SLC29A3: variants seen among roughly 807,000 people sequenced by gnomAD.
SLC29A3 encodes equilibrative nucleoside transporter 3.
Under a neutral mutation model 25.4 loss-of-function variants are expected in SLC29A3, and 18 were observed. That is an observed-to-expected ratio of 0.71 (90% CI 0.49 to 1.05). The LOEUF (loss-of-function observed/expected upper bound fraction) is 1.05, where lower values mean the gene tolerates loss of function less well. Ranked by LOEUF, SLC29A3 falls within the 50% of genes least tolerant of loss-of-function variation. SLC29A3 has a pLI of 0.00. For missense variants in SLC29A3, 586 were observed against 609.0 expected, an observed-to-expected ratio of 0.96 and a Z score of 0.40; for synonymous variants, 258 against 267.1, an observed-to-expected ratio of 0.97 and a Z score of 0.33.
At chr10:71,370,266 G>A (rs771485171) in intron 3 of SLC29A3, among the ~76,000 whole-genome samples, 6 of 152,132 alleles carry the variant, frequency 3.9e-5, no homozygotes, top group East Asian at 1.9e-4. Context: ...GTCCACCTTC[G>A]CAGACACAGA....
chr10:71,355,376 T>C (rs922133527), intron 4 of SLC29A3, among the ~76,000 whole-genome samples: 12 of 152,198 alleles, frequency 7.9e-5, no homozygotes, highest in African/African-American at 2.9e-4. Flanking sequence ...GTCAAAGCCA[T>C]TGGCAAGGAG....
At chr10:71,328,853 C>T (rs2131805002) in intron 2 of SLC29A3, among the ~76,000 whole-genome samples, 1 of 152,330 alleles carries the variant, frequency 6.6e-6, no homozygotes, top group Admixed American at 6.5e-5. Flanking sequence ...GGACCTAGGG[C>T]ATCCCCTCCC....
At chr10:71,332,143 C>CTTTTT (rs200663755) in intron 2 of SLC29A3, among the ~76,000 whole-genome samples, 1 of 123,880 alleles carries the variant, frequency 8.1e-6, no homozygotes, top group Middle Eastern at 3.5e-3. Context: ...TTTTCTTTTT[C>CTTTTT]TTTTTTTTCT....
At chr10:71,363,626 G>T (rs527517125), downstream of SLC29A3, among the ~76,000 whole-genome samples, 13 of 151,382 alleles carry the variant, frequency 8.6e-5, no homozygotes, top group Non-Finnish European at 1.8e-4. Context: ...ACCATGCCTC[G>T]CTAATTTCTG....
chr10:71,363,710 C>T (rs12249991), downstream of SLC29A3, among the ~76,000 whole-genome samples: 18,227 of 151,902 alleles, frequency 0.12, 1,940 homozygotes, highest in African/African-American at 0.29. Context: ...TGAGCTCAAG[C>T]GATCCTCCCA....
chr10:71,375,379 C>A (rs1163450789), intron 3 of SLC29A3, among the ~76,000 whole-genome samples: 1 of 152,200 alleles, frequency 6.6e-6, no homozygotes. Context: ...TACGTTCAAT[C>A]CTGATTACCC....
exon 5 of SLC29A3, chr10:71,380,844 TTATTA>T (rs1241562905): frequency 6.6e-6 from 1 of 151,986 alleles, no homozygotes; most frequent in Non-Finnish European, 1.5e-5. Context: ...TTTGTGGCAC[TTATTA>T]TAAGTGCTAA....
intron 3 of SLC29A3, among the ~76,000 whole-genome samples, chr10:71,345,209 A>AT (rs1846534882): frequency 6.6e-6 from 1 of 152,190 alleles, no homozygotes; most frequent in Non-Finnish European, 1.5e-5. Flanking sequence ...GTTATCTGTT[A>AT]CATAATATGA....
rs566110994 is a variant in SLC29A3, at chr10:71,362,035, G to A, written c.855G>A (p.Ser285=). 4.6e-5 allele frequency: 75 copies of A among 1,613,984 alleles called. No individual in the cohort carries two copies. The Admixed American group carries it at 6.0e-4, about 13-fold the overall frequency. ...ELPQDSLSAP[S]VASRFIDSHT... ...CCCAGGACTCCCTCAGTGCCCCTTC[G>A]GTGGCCTCCAGATTCATTGATTCCC... The change falls in exon 6 of 6, where the codon TCG becomes TCA. Residue 285 remains serine, a synonymous_variant. Coordinates refer to ENST00000373189, the MANE Select transcript of SLC29A3 (RefSeq NM_018344.6).
intron 2 of SLC29A3, among the ~76,000 whole-genome samples, chr10:71,334,920 T>C (rs1308289915): frequency 7.0e-6 from 1 of 143,686 alleles, no homozygotes; most frequent in Non-Finnish European, 1.5e-5. Context: ...ATTTGCAGTC[T>C]TTTTTCCCCC....
At chr10:71,342,439 T>G (rs1201979808) in intron 2 of SLC29A3, among the ~76,000 whole-genome samples, 1 of 152,192 alleles carries the variant, frequency 6.6e-6, no homozygotes, top group Non-Finnish European at 1.5e-5. Flanking sequence ...TCCAAAAAGC[T>G]TTTCAACATT....
downstream of SLC29A3, among the ~76,000 whole-genome samples, chr10:71,368,288 A>C (rs1847185661): frequency 1.3e-5 from 2 of 152,234 alleles, no homozygotes; most frequent in Non-Finnish European, 2.9e-5. Flanking sequence ...GAAAGGATTA[A>C]ATAAGCCCTA....
rs1183419008 is a variant in SLC29A3 at position 71,362,967 on chromosome 10, TG to T, written c.*362del. ...CAAAGCCAGTGCCAAAACCCAGCCA[TG>T]GGCTCTTTGCAACCTCCCAGCTGCG... On this transcript the variant is annotated 3_prime_UTR_variant, in exon 6 of 6. Transcript: ENST00000373189. 2.1e-6 allele frequency: 1 copy of T among 483,590 alleles called. No individual in the cohort carries two copies. The highest frequency in any genetic ancestry group is 2.3e-5 in the Admixed American group (1 of 43,306). 30.0% of individuals were successfully genotyped at this position (483,590 alleles called of 1,614,324 possible).
In SLC29A3 at chr10:71,380,513, C is replaced by T. The variant is rs149474075; in HGVS notation, c.*959C>T. The stretch of plus-strand genomic sequence containing the variant: ...ACACACACAACATGGGCATGCACAG[C>T]GATGGGTGCAGGTTGCAATTGGGAC... On this transcript the variant is annotated 3_prime_UTR_variant and NMD_transcript_variant, in exon 5 of 5. Transcript: ENST00000642772. 7.7e-4 allele frequency: 117 copies of T among 152,318 alleles called. 1 individual carries two copies. Among genetic ancestry groups the T allele is most frequent in the Middle Eastern group, 6.8e-3 (2 of 296 alleles). 9.4% of individuals were successfully genotyped at this position (152,318 alleles called of 1,614,324 possible). A position where few individuals can be genotyped will look rare whatever the true frequency, so the allele number is the denominator to read the frequency against.
intron 1 of SLC29A3, 96 bp from the exon 2 acceptor site, chr10:71,322,660 C>A (rs980531594): frequency 7.1e-7 from 1 of 1,406,866 alleles, no homozygotes. Flanking sequence ...GGTGAGGGGG[C>A]ATGGTCATTT....
In SLC29A3 at chr10:71,351,788, G is replaced by C; in HGVS notation, c.610G>C (p.Gly204Arg). 1 of 1,609,784 alleles carries C rather than the reference G, an allele frequency of 6.2e-7. No homozygotes were observed. ...GAGGAACTCCCAGGCACTGATATCA[G>C]GTGAGAGCCAGGGTCCGGGCAGCTG... is the stretch of plus-strand genomic sequence containing the variant. Reference protein sequence around the residue: ...PMRNSQALISGGAMGGTVSAV... With the variant: ...PMRNSQALISRGAMGGTVSAV... Residue 204 changes from glycine (G) to arginine (R), a missense_variant and splice_region_variant, in exon 4 of 6, where the codon GGA (glycine) becomes CGA (arginine). Coordinates refer to ENST00000373189, the MANE Select transcript of SLC29A3 (RefSeq NM_018344.6).
chr10:71,371,239 G>A (rs1195888685), intron 3 of SLC29A3, among the ~76,000 whole-genome samples: 1 of 152,206 alleles, frequency 6.6e-6, no homozygotes, highest in East Asian at 1.9e-4. Context: ...ACTCCAGGGT[G>A]AAGGATGTGA....
At chr10:71,337,291 C>T (rs1846277174) in intron 2 of SLC29A3, among the ~76,000 whole-genome samples, 1 of 152,234 alleles carries the variant, frequency 6.6e-6, no homozygotes, top group South Asian at 2.1e-4. Context: ...GGGACATCTG[C>T]CCTCTGCTCA....
At chr10:71,375,172 C>G (rs1847240924) in intron 3 of SLC29A3, among the ~76,000 whole-genome samples, 1 of 152,194 alleles carries the variant, frequency 6.6e-6, no homozygotes, top group Non-Finnish European at 1.5e-5. Flanking sequence ...ATCCCACCTG[C>G]CCCACCGACC....
Sources: gnomAD v4.1 joint callset for allele counts (sites outside exome capture counted in the v4.1 genomes callset) on GRCh38, gnomAD v4.1.1 for gene constraint, MANE v1.5 for transcripts, NCBI Gene and HGNC (gene_info 2026-07-23, HGNC 2026-07-21) for gene names.